The following HCN1 variants were observed in gnomAD, a reference collection of about 807,000 sequenced individuals.
HCN1 encodes hyperpolarization activated cyclic nucleotide gated potassium channel 1.
HCN1 carries 13 observed loss-of-function variants against 78.9 expected under a neutral mutation model. That is an observed-to-expected ratio of 0.16 (90% CI 0.11 to 0.26). The LOEUF is 0.26. Ranked by LOEUF, HCN1 falls within the 10% of genes least tolerant of loss-of-function variation. The pLI is 1.00. For synonymous variants in HCN1, 552 were observed against 455.5 expected (o/e 1.21, Z -2.70); for missense variants, 810 against 1,154.3 (o/e 0.70, Z 4.32).
At chr5:45,277,891 G>A (rs146959002) in intron 6 of HCN1, among the ~76,000 whole-genome samples, 1 of 152,218 alleles carries the variant, frequency 6.6e-6, no homozygotes, top group Admixed American at 6.5e-5. Context: ...TAATCAGAGT[G>A]CATGAGTTGT....
intron 2 of HCN1, among the ~76,000 whole-genome samples, chr5:45,635,797 T>G (rs547273247): frequency 6.6e-6 from 1 of 152,292 alleles, no homozygotes; most frequent in East Asian, 1.9e-4. Context: ...TTTTATTTAC[T>G]CTTGAGCTTT....
At chr5:45,336,426 C>A (rs566713585) in intron 5 of HCN1, among the ~76,000 whole-genome samples, 102 of 152,196 alleles carry the variant, frequency 6.7e-4, no homozygotes, top group Non-Finnish European at 1.1e-3. Context: ...GATGACTTTA[C>A]AATCACTTCC....
rs569878454 is a variant in HCN1, at chr5:45,520,089, A to G, written c.850-58082T>C. Among the ~76,000 whole-genome samples the G allele has an allele frequency of 1.4e-4, 21 of 152,144 alleles. No homozygotes were observed. The South Asian group carries it at 3.7e-3, about 27-fold the overall frequency. On this transcript the variant is annotated intron_variant, in intron 2 of 7. Transcript: ENST00000303230. The stretch of plus-strand genomic sequence containing the variant: ...TATGGGCATTAATCACTATATTATC[A>G]AAAGTATAAGCAGTTCACATATGTG...
At chr5:45,655,901 G>A (rs967082760) in intron 1 of HCN1, among the ~76,000 whole-genome samples, 1 of 152,186 alleles carries the variant, frequency 6.6e-6, no homozygotes, top group Non-Finnish European at 1.5e-5. Context: ...CACTTGGGAA[G>A]CAAGAGTCAA....
chr5:45,666,610 T>C (rs1176152058), intron 1 of HCN1, among the ~76,000 whole-genome samples: 1 of 152,066 alleles, frequency 6.6e-6, no homozygotes, highest in African/African-American at 2.4e-5. Flanking sequence ...TATTTTTGTA[T>C]GTATGTGGAT....
At chr5:45,610,873 A>T (rs1056040506) in intron 2 of HCN1, among the ~76,000 whole-genome samples, 2 of 151,948 alleles carry the variant, frequency 1.3e-5, no homozygotes, top group Non-Finnish European at 2.9e-5. Flanking sequence ...ATTCCTTAAG[A>T]CTCTTTTTAT....
intron 6 of HCN1, among the ~76,000 whole-genome samples, chr5:45,300,304 G>A (rs1011177813): frequency 6.6e-6 from 1 of 151,902 alleles, no homozygotes; most frequent in Admixed American, 6.6e-5. Flanking sequence ...ACTTAACACA[G>A]GTTTGAGCTA....
chr5:45,334,806 A>C (rs1034352686), intron 5 of HCN1, among the ~76,000 whole-genome samples: 13 of 152,018 alleles, frequency 8.6e-5, no homozygotes, highest in African/African-American at 3.1e-4. Context: ...TGCCTGTTAC[A>C]TGAATATCTT....
intron 2 of HCN1, among the ~76,000 whole-genome samples, chr5:45,497,250 G>C (rs1198015718): frequency 2.0e-5 from 3 of 151,984 alleles, no homozygotes; most frequent in Admixed American, 1.3e-4. Flanking sequence ...CAATTCCTGG[G>C]TATCCTTGTT....
At chr5:45,319,062 T>G (rs542243859) in intron 5 of HCN1, among the ~76,000 whole-genome samples, 1 of 152,138 alleles carries the variant, frequency 6.6e-6, no homozygotes, top group African/African-American at 2.4e-5. Flanking sequence ...CATTTTATGG[T>G]TATACTACAA....
intron 2 of HCN1, among the ~76,000 whole-genome samples, chr5:45,468,922 A>T (rs1741333683): frequency 6.6e-6 from 1 of 152,066 alleles, no homozygotes; most frequent in Non-Finnish European, 1.5e-5. Context: ...TAAAGGGGTC[A>T]GTACTAATAA....
chr5:45,604,916 T>G (rs1744696111), intron 2 of HCN1, among the ~76,000 whole-genome samples: 1 of 152,030 alleles, frequency 6.6e-6, no homozygotes, highest in Non-Finnish European at 1.5e-5. Flanking sequence ...GATAATACTA[T>G]TTTGCTGGTG....
At chr5:45,631,108 C>T (rs998633238) in intron 2 of HCN1, among the ~76,000 whole-genome samples, 39 of 152,086 alleles carry the variant, frequency 2.6e-4, no homozygotes, top group African/African-American at 9.4e-4. Context: ...TTATTTTGAA[C>T]AGTTACAAAG....
chr5:45,664,488 A>C (rs1412051221), intron 1 of HCN1, among the ~76,000 whole-genome samples: 4 of 150,424 alleles, frequency 2.7e-5, no homozygotes, highest in Non-Finnish European at 4.4e-5. Context: ...AAAAAAAAGA[A>C]ACTACCATCA....
chr5:45,642,371 T>G (rs1745472234), intron 2 of HCN1: 1 of 152,142 alleles, frequency 6.6e-6, no homozygotes, highest in Admixed American at 6.6e-5. Flanking sequence ...AATTTAAAGC[T>G]TCTGTATCTC....
intron 5 of HCN1, among the ~76,000 whole-genome samples, chr5:45,322,507 A>G (rs1746144869): frequency 6.6e-6 from 1 of 151,872 alleles, no homozygotes. Context: ...GATTTTTCTC[A>G]TTTTAGAATA....
chr5:45,561,755 T>A (rs1007329851), intron 2 of HCN1, among the ~76,000 whole-genome samples: 2 of 152,238 alleles, frequency 1.3e-5, no homozygotes, highest in Middle Eastern at 3.4e-3. Flanking sequence ...TTAGCCTGAC[T>A]TCCAGGGATA....
intron 3 of HCN1, among the ~76,000 whole-genome samples, chr5:45,444,780 C>CT (rs1260875419): frequency 1.3e-5 from 2 of 151,608 alleles, no homozygotes; most frequent in South Asian, 2.1e-4. Flanking sequence ...TTATTCTTTT[C>CT]TTTTTTTCTT....
At chr5:45,623,221 G>A (rs1745102696) in intron 2 of HCN1, among the ~76,000 whole-genome samples, 1 of 152,134 alleles carries the variant, frequency 6.6e-6, no homozygotes, top group Non-Finnish European at 1.5e-5. Context: ...CATAAGAGGA[G>A]AACTGTGTCT....
Sources: allele counts gnomAD v4.1 joint callset (sites outside exome capture counted in the v4.1 genomes callset), GRCh38; gene constraint gnomAD v4.1.1; transcripts MANE v1.5; gene names NCBI Gene and HGNC (gene_info 2026-07-23, HGNC 2026-07-21).